ROBO2: variants seen among roughly 807,000 people sequenced by gnomAD.
The protein encoded by ROBO2 is roundabout guidance receptor 2, also known as roundabout homolog 2.
Under a neutral mutation model 160.8 loss-of-function variants are expected in ROBO2, and 53 were observed. The observed-to-expected ratio is 0.33, with a 90% CI of 0.26 to 0.41. The LOEUF is 0.41. ROBO2 is among the 10% of genes least tolerant of loss of function. ROBO2 has a pLI of 1.00. For missense variants in ROBO2, 1,577 were observed against 1,722.4 expected, an observed-to-expected ratio of 0.92 and a Z score of 1.49; for synonymous variants, 664 against 611.7, an observed-to-expected ratio of 1.09 and a Z score of -1.26.
chr3:77,315,357 C>A (rs149203558), intron 2 of ROBO2, among the ~76,000 whole-genome samples: 4 of 152,194 alleles, frequency 2.6e-5, no homozygotes, highest in Non-Finnish European at 5.9e-5. Context: ...GTTACAAGGT[C>A]TGAGGGTGAA....
intron 2 of ROBO2, among the ~76,000 whole-genome samples, chr3:76,331,556 T>C (rs1049873061): frequency 5.3e-5 from 8 of 152,104 alleles, no homozygotes; most frequent in Non-Finnish European, 1.0e-4. Flanking sequence ...ACGACATAAT[T>C]TGACATTCTC....
In ROBO2 at chr3:76,932,423, A is replaced by AAC. The variant is rs71104640; in HGVS notation, c.110-165573_110-165572dup. The stretch of plus-strand genomic sequence containing the variant: ...TCATGATTGCATGCATATGTTTAGA[A>AAC]ACACACACACACACACACATACACG... On this transcript the variant is annotated intron_variant, in intron 2 of 26. Coordinates refer to the ROBO2 transcript ENST00000487694. Among the ~76,000 whole-genome samples the AAC allele has an allele frequency of 8.5e-3, 1,284 of 150,586 alleles. 16 individuals are homozygous for AAC. Among genetic ancestry groups the AAC allele is most frequent in the African/African-American group, 0.028 (1,147 of 41,032 alleles).
chr3:77,501,107 A>C (rs1431070860), intron 5 of ROBO2, among the ~76,000 whole-genome samples: 3 of 152,128 alleles, frequency 2.0e-5, no homozygotes, highest in African/African-American at 7.2e-5. Context: ...TCTTCCATCA[A>C]AGTGTGGTTG....
At chr3:77,644,814 T>C in exon 25 of ROBO2, 1 of 1,614,082 alleles carries the variant, frequency 6.2e-7, no homozygotes, top group Non-Finnish European at 8.5e-7. Flanking sequence ...AACCGAGGTG[T>C]TGAGAGCAGG....
At chr3:77,113,672 T>A (rs375881202) in intron 2 of ROBO2, among the ~76,000 whole-genome samples, 25 of 152,230 alleles carry the variant, frequency 1.6e-4, no homozygotes, top group African/African-American at 6.0e-4. Flanking sequence ...TTAATCATAC[T>A]TGAGGACTGC....
At chr3:76,344,106 TA>T (rs1559796498) in intron 2 of ROBO2, among the ~76,000 whole-genome samples, 1 of 152,108 alleles carries the variant, frequency 6.6e-6, no homozygotes, top group Non-Finnish European at 1.5e-5. Context: ...TCTTAAACTT[TA>T]AAAAAATAAT....
rs75218385 is a variant in ROBO2 at position 77,623,705 on chromosome 3, G to C, written c.3760+1273G>C. On this transcript the variant is annotated intron_variant, in intron 23 of 25. Coordinates refer to ENST00000461745, the Ensembl canonical transcript of ROBO2. ...TCAAATGCAGAGAGCTGACTTATTA[G>C]TGCACTATTATGTTAAGCCCCTTTG... Among the ~76,000 whole-genome samples, 446 of 152,268 alleles carry C rather than the reference G, an allele frequency of 2.9e-3. 3 individuals are homozygous for C. Among genetic ancestry groups the C allele is most frequent in the Non-Finnish European group, 4.4e-3 (297 of 68,008 alleles).
At chr3:76,726,368 G>C (rs145889195) in intron 2 of ROBO2, among the ~76,000 whole-genome samples, 7 of 152,086 alleles carry the variant, frequency 4.6e-5, no homozygotes, top group African/African-American at 1.7e-4. Flanking sequence ...GATTTTTTTA[G>C]GTATATTGTT....
At chr3:76,756,199 C>G (rs923690803) in intron 2 of ROBO2, among the ~76,000 whole-genome samples, 1 of 151,716 alleles carries the variant, frequency 6.6e-6, no homozygotes, top group African/African-American at 2.4e-5. Flanking sequence ...TTTTACTCTT[C>G]GAATATGTTT....
intron 2 of ROBO2, among the ~76,000 whole-genome samples, chr3:77,133,580 C>T (rs189851162): frequency 1.3e-5 from 2 of 151,146 alleles, no homozygotes; most frequent in East Asian, 1.9e-4. Flanking sequence ...GGCAAAGAAA[C>T]AGCAATTTAG....
chr3:76,225,823 T>C (rs565254683), intron 2 of ROBO2, among the ~76,000 whole-genome samples: 89 of 152,318 alleles, frequency 5.8e-4, no homozygotes, highest in African/African-American at 2.1e-3. Flanking sequence ...CCTGAAACTA[T>C]CAGTTTTTTA....
intron 2 of ROBO2, among the ~76,000 whole-genome samples, chr3:77,470,817 G>A (rs1345993117): frequency 6.6e-6 from 1 of 152,128 alleles, no homozygotes; most frequent in Non-Finnish European, 1.5e-5. Context: ...CGGGCTAGAG[G>A]TCGGTCTTCT....
intron 2 of ROBO2, among the ~76,000 whole-genome samples, chr3:76,701,339 T>G (rs1245616040): frequency 6.6e-6 from 1 of 152,118 alleles, no homozygotes; most frequent in Non-Finnish European, 1.5e-5. Context: ...TATGTCAGTA[T>G]GTTAGTGGCT....
chr3:77,041,696 T>C (rs2064118311), intron 1 of ROBO2, among the ~76,000 whole-genome samples: 1 of 152,230 alleles, frequency 6.6e-6, no homozygotes, highest in East Asian at 1.9e-4. Flanking sequence ...ACATGCTTTT[T>C]GGTTTGTATT....
chr3:76,530,686 T>C (rs1455269808), intron 2 of ROBO2, among the ~76,000 whole-genome samples: 3 of 152,200 alleles, frequency 2.0e-5, no homozygotes, highest in East Asian at 1.9e-4. Context: ...TTTTCTTCTA[T>C]GCTCCTTCAA....
chr3:76,463,374 A>G (rs911305245), intron 2 of ROBO2, among the ~76,000 whole-genome samples: 2 of 90,812 alleles, frequency 2.2e-5, no homozygotes, highest in African/African-American at 5.5e-5. Context: ...AGTGTTTGGG[A>G]AAAAAAAACA....
chr3:76,723,827 A>G (rs1207456723), intron 2 of ROBO2, among the ~76,000 whole-genome samples: 1 of 152,186 alleles, frequency 6.6e-6, no homozygotes, highest in African/African-American at 2.4e-5. Flanking sequence ...GTTGTCTACT[A>G]CCTGTATCCA....
chr3:76,544,238 A>G (rs1277344728), intron 2 of ROBO2, among the ~76,000 whole-genome samples: 1 of 151,970 alleles, frequency 6.6e-6, no homozygotes, highest in Non-Finnish European at 1.5e-5. Context: ...TCATCCTTCA[A>G]GATTCCTCTT....
At chr3:77,309,052 C>G (rs762438579) in intron 2 of ROBO2, among the ~76,000 whole-genome samples, 1 of 100,468 alleles carries the variant, frequency 1.0e-5, no homozygotes, top group African/African-American at 3.6e-5. Context: ...GGCTGAGATT[C>G]GGCTATTTAT....
Sources: allele counts gnomAD v4.1 joint callset (sites outside exome capture counted in the v4.1 genomes callset), GRCh38; gene constraint gnomAD v4.1.1; transcripts MANE v1.5; gene names NCBI Gene and HGNC (gene_info 2026-07-23, HGNC 2026-07-21).